The following L3MBTL4 variants were observed in gnomAD, a reference collection of about 807,000 sequenced individuals.
The protein encoded by L3MBTL4 is lethal(3)malignant brain tumor-like protein 4.
L3MBTL4 carries 70 observed loss-of-function variants against 84.5 expected under a neutral mutation model. The ratio of observed to expected loss-of-function variants is 0.83; its 90% confidence interval spans 0.68 to 1.01. The LOEUF (loss-of-function observed/expected upper bound fraction) is 1.01, where lower values mean the gene tolerates loss of function less well. Ranked by LOEUF, L3MBTL4 falls within the 50% of genes least tolerant of loss-of-function variation. The probability of loss-of-function intolerance (pLI) is 0.00; values close to 1 mark genes in which losing one functional copy is unlikely to be tolerated. For synonymous variants in L3MBTL4, 274 were observed against 259.8 expected, an observed-to-expected ratio of 1.05 and a Z score of -0.52; for missense variants, 715 against 754.8, an observed-to-expected ratio of 0.95 and a Z score of 0.62.
intron 1 of L3MBTL4, among the ~76,000 whole-genome samples, chr18:6,392,710 T>A (rs892657548): frequency 4.6e-5 from 7 of 152,156 alleles, no homozygotes; most frequent in Non-Finnish European, 7.3e-5. Context: ...GAAAAACTCT[T>A]CCAAACATCA....
intron 7 of L3MBTL4, 67 bp from the exon 8 acceptor site, chr18:6,241,516 G>A (rs1395732646): frequency 2.2e-6 from 2 of 896,320 alleles, no homozygotes; most frequent in East Asian, 5.1e-5. Context: ...AATATATTAG[G>A]TTGGTGCAAA....
At chr18:6,400,696 G>C (rs1281940992) in intron 1 of L3MBTL4, among the ~76,000 whole-genome samples, 4 of 152,208 alleles carry the variant, frequency 2.6e-5, no homozygotes, top group Non-Finnish European at 5.9e-5. Context: ...ACAGGCGTGA[G>C]ACACCACACC....
intron 1 of L3MBTL4, among the ~76,000 whole-genome samples, chr18:6,382,144 C>T (rs538609866): frequency 4.3e-4 from 65 of 152,296 alleles, no homozygotes; most frequent in Middle Eastern, 3.4e-3. Flanking sequence ...CTTGTGTATG[C>T]TTCACGAAGT....
intron 14 of L3MBTL4, among the ~76,000 whole-genome samples, chr18:6,130,780 T>G (rs920877175): frequency 1.3e-5 from 2 of 152,206 alleles, no homozygotes; most frequent in East Asian, 1.9e-4. Context: ...AATATTCCTA[T>G]GTTAACAAAT....
intron 1 of L3MBTL4, among the ~76,000 whole-genome samples, chr18:6,329,344 G>A (rs1262918343): frequency 1.3e-5 from 2 of 151,392 alleles, no homozygotes; most frequent in African/African-American, 2.4e-5. Flanking sequence ...TAGTAGAGAC[G>A]GGGTTTCATC....
intron 3 of L3MBTL4, among the ~76,000 whole-genome samples, chr18:6,305,012 C>G (rs893995646): frequency 2.0e-5 from 3 of 152,206 alleles, no homozygotes; most frequent in Non-Finnish European, 4.4e-5. Flanking sequence ...ACAAAAACAA[C>G]ATTACCTCTC....
At chr18:6,063,650 C>T (rs2057309589) in intron 16 of L3MBTL4, among the ~76,000 whole-genome samples, 1 of 123,774 alleles carries the variant, frequency 8.1e-6, no homozygotes, top group Non-Finnish European at 1.7e-5. Context: ...GTTTGTATGT[C>T]TTCTTTTGAG....
intron 16 of L3MBTL4, among the ~76,000 whole-genome samples, chr18:5,977,896 T>A (rs892238025): frequency 1.3e-5 from 2 of 152,204 alleles, no homozygotes; most frequent in African/African-American, 4.8e-5. Context: ...TGCCCCTGGG[T>A]ACCCTGCCAC....
intron 13 of L3MBTL4, among the ~76,000 whole-genome samples, chr18:6,160,847 G>A (rs574454861): frequency 1.3e-5 from 2 of 151,562 alleles, no homozygotes; most frequent in Non-Finnish European, 2.9e-5. Flanking sequence ...AATTTCCCAC[G>A]CAAGAAAAAC....
At chr18:6,166,689 G>A (rs1435139297) in intron 13 of L3MBTL4, among the ~76,000 whole-genome samples, 2 of 151,818 alleles carry the variant, frequency 1.3e-5, no homozygotes, top group Non-Finnish European at 2.9e-5. Flanking sequence ...GTGTGTAGAG[G>A]GAAACTTATA....
chr18:6,391,519 G>T (rs1338125671), intron 1 of L3MBTL4, among the ~76,000 whole-genome samples: 1 of 152,002 alleles, frequency 6.6e-6, no homozygotes, highest in Admixed American at 6.6e-5. Context: ...AGGGGATCCA[G>T]ATTGGAAAAG....
intron 14 of L3MBTL4, among the ~76,000 whole-genome samples, chr18:6,110,533 A>T (rs1375662340): frequency 9.3e-6 from 1 of 108,034 alleles, no homozygotes; most frequent in Non-Finnish European, 1.7e-5. Context: ...CTGTGTGCAC[A>T]TGGGTGTACA....
intron 4 of L3MBTL4, among the ~76,000 whole-genome samples, chr18:6,264,645 A>T (rs761295338): frequency 1.3e-5 from 2 of 152,164 alleles, no homozygotes; most frequent in Non-Finnish European, 2.9e-5. Context: ...TTAGCTGGGC[A>T]TCGTGGCGGG....
At chr18:6,132,866 C>CT (rs1317998334) in intron 14 of L3MBTL4, among the ~76,000 whole-genome samples, 1 of 152,058 alleles carries the variant, frequency 6.6e-6, no homozygotes, top group Non-Finnish European at 1.5e-5. Context: ...AACACACACG[C>CT]CCAGCGCAGG....
chr18:6,382,440 C>A (rs1160547663), intron 1 of L3MBTL4, among the ~76,000 whole-genome samples: 3 of 152,128 alleles, frequency 2.0e-5, no homozygotes, highest in African/African-American at 4.8e-5. Flanking sequence ...AGCCTTTTTG[C>A]GCTGGTTTCT....
chr18:6,363,810 G>A (rs1016766529), intron 1 of L3MBTL4, among the ~76,000 whole-genome samples: 3 of 152,056 alleles, frequency 2.0e-5, no homozygotes, highest in Non-Finnish European at 4.4e-5. Context: ...GAATCACACT[G>A]CAAAAACAGA....
intron 12 of L3MBTL4, among the ~76,000 whole-genome samples, chr18:6,198,875 T>C (rs1171799895): frequency 1.3e-5 from 2 of 152,218 alleles, no homozygotes; most frequent in African/African-American, 4.8e-5. Flanking sequence ...TTTATTATGA[T>C]GTTCACAATC....
At chr18:6,212,651 G>A (rs1327340997) in intron 12 of L3MBTL4, among the ~76,000 whole-genome samples, 1 of 152,002 alleles carries the variant, frequency 6.6e-6, no homozygotes, top group Non-Finnish European at 1.5e-5. Context: ...AATTGTTCTT[G>A]GTAAGCTGTT....
chr18:6,361,737 C>G (rs2053702904), intron 1 of L3MBTL4, among the ~76,000 whole-genome samples: 1 of 152,178 alleles, frequency 6.6e-6, no homozygotes, highest in African/African-American at 2.4e-5. Context: ...AGGGGTTCCA[C>G]AGATGACCTC....
Sources: gnomAD v4.1 joint callset for allele counts (sites outside exome capture counted in the v4.1 genomes callset) on GRCh38, gnomAD v4.1.1 for gene constraint, MANE v1.5 for transcripts, NCBI Gene and HGNC (gene_info 2026-07-23, HGNC 2026-07-21) for gene names.